CACHD1: variants seen among roughly 807,000 people sequenced by gnomAD.
The protein encoded by CACHD1 is VWFA and cache domain-containing protein 1.
Under a neutral mutation model 138.7 loss-of-function variants are expected in CACHD1, and 71 were observed. The observed-to-expected ratio is 0.51, with a 90% CI of 0.42 to 0.62. The LOEUF (loss-of-function observed/expected upper bound fraction) is 0.62. CACHD1 is among the 20% of genes least tolerant of loss of function. The pLI is 0.00. For missense variants in CACHD1, 1,389 were observed against 1,625.3 expected (o/e 0.85, Z 2.50); for synonymous variants, 578 against 591.5 (o/e 0.98, Z 0.33).
intron 3 of CACHD1, among the ~76,000 whole-genome samples, chr1:64,593,114 C>T (rs573341080): frequency 1.1e-4 from 16 of 152,230 alleles, no homozygotes; most frequent in African/African-American, 3.6e-4. Context: ...TGGAGTTGCA[C>T]GTAGATCATT....
intron 26 of CACHD1, among the ~76,000 whole-genome samples, chr1:64,683,837 G>C (rs1030931341): frequency 6.6e-6 from 1 of 152,128 alleles, no homozygotes; most frequent in Non-Finnish European, 1.5e-5. Context: ...CCAGTACGTG[G>C]GTCACTAAAA....
At chr1:64,603,758 A>C (rs1184621548) in intron 4 of CACHD1, among the ~76,000 whole-genome samples, 1 of 152,190 alleles carries the variant, frequency 6.6e-6, no homozygotes, top group Non-Finnish European at 1.5e-5. Flanking sequence ...ACTACTGGTT[A>C]GCTCCAAAGT....
At chr1:64,514,518 G>A (rs1398469012) in intron 1 of CACHD1, among the ~76,000 whole-genome samples, 1 of 152,144 alleles carries the variant, frequency 6.6e-6, no homozygotes, top group African/African-American at 2.4e-5. Context: ...TCACTTCTAG[G>A]TTTTGAAAAA....
intron 23 of CACHD1, among the ~76,000 whole-genome samples, 196 bp downstream of exon 23, chr1:64,678,506 G>A (rs1053455521): frequency 2.0e-5 from 3 of 152,114 alleles, no homozygotes; most frequent in Non-Finnish European, 4.4e-5. Context: ...GTGGCCATCT[G>A]TGCTGCCAAA....
intron 1 of CACHD1, among the ~76,000 whole-genome samples, chr1:64,530,760 A>G (rs7525351): frequency 0.032 from 4,925 of 151,872 alleles, 117 homozygotes; most frequent in African/African-American, 0.063. Context: ...AATCCCAGCT[A>G]CTTGGGAGGC....
At chr1:64,632,299 G>A (rs1199267358) in intron 5 of CACHD1, among the ~76,000 whole-genome samples, 5 of 147,824 alleles carry the variant, frequency 3.4e-5, no homozygotes, top group Non-Finnish European at 5.9e-5. Flanking sequence ...CAGGATGTTA[G>A]TGATGCTGAA....
chr1:64,647,929 T>C lies in CACHD1; in HGVS notation c.1285T>C (p.Leu429=), dbSNP rs1648965546. The change falls in exon 9 of 27, where the codon TTG becomes CTG. Residue 429 remains leucine, a synonymous_variant. Transcript: ENST00000651257. ...IKGSMMVLNQ[L]SNLETTVGRF... ...GGGCAGCATGATGGTGCTGAATCAG[T>C]TGAGCAACCTGGAGACCACAGTGGG... 8 of 1,614,100 alleles carry C rather than the reference T, an allele frequency of 5.0e-6. No homozygotes were observed. Among genetic ancestry groups the C allele is most frequent in the Non-Finnish European group, 6.8e-6 (8 of 1,180,006 alleles).
chr1:64,495,905 GAA>G (rs1210929743), intron 1 of CACHD1, among the ~76,000 whole-genome samples: 1 of 151,846 alleles, frequency 6.6e-6, no homozygotes. Flanking sequence ...TCCATTAAAA[GAA>G]AAAAGAACAT....
chr1:64,577,184 G>A (rs1646975480), intron 2 of CACHD1, among the ~76,000 whole-genome samples: 1 of 152,088 alleles, frequency 6.6e-6, no homozygotes, highest in South Asian at 2.1e-4. Context: ...GGGCTCAAGT[G>A]ATCCACCTGC....
chr1:64,597,524 GTTT>G (rs34162933), intron 3 of CACHD1, among the ~76,000 whole-genome samples: 90 of 80,402 alleles, frequency 1.1e-3, no homozygotes, highest in Middle Eastern at 0.01. Context: ...TTTTTTTGTT[GTTT>G]TTTTTTTTTT....
intron 4 of CACHD1, among the ~76,000 whole-genome samples, chr1:64,609,126 A>G (rs897859260): frequency 9.2e-5 from 14 of 152,188 alleles, no homozygotes; most frequent in Non-Finnish European, 1.6e-4. Flanking sequence ...TTGTGGCTTC[A>G]TCATTTCCTT....
At chr1:64,589,231 A>G (rs914969314) in intron 3 of CACHD1, among the ~76,000 whole-genome samples, 1 of 152,154 alleles carries the variant, frequency 6.6e-6, no homozygotes, top group Non-Finnish European at 1.5e-5. Context: ...TGGAAGGCAG[A>G]TAGGACTCAT....
At chr1:64,645,011 C>T (rs1184353564) in intron 8 of CACHD1, among the ~76,000 whole-genome samples, 1 of 152,164 alleles carries the variant, frequency 6.6e-6, no homozygotes, top group Non-Finnish European at 1.5e-5. Context: ...GCACAAGAAT[C>T]GCTTGATCCT....
At chr1:64,673,297 C>T (rs755930076) in intron 18 of CACHD1, 40 bp downstream of exon 18, 1 of 1,611,702 alleles carries the variant, frequency 6.2e-7, no homozygotes, top group Non-Finnish European at 8.5e-7. Context: ...TCTCCAACCT[C>T]CTGCAGCTCA....
chr1:64,512,847 C>T (rs1646432807), intron 1 of CACHD1, among the ~76,000 whole-genome samples: 1 of 152,082 alleles, frequency 6.6e-6, no homozygotes, highest in African/African-American at 2.4e-5. Context: ...TTTTTTCTGC[C>T]ACCATTTAAG....
intron 2 of CACHD1, among the ~76,000 whole-genome samples, chr1:64,559,991 G>A (rs1646826797): frequency 6.6e-6 from 1 of 152,088 alleles, no homozygotes; most frequent in South Asian, 2.1e-4. Context: ...TTGGCATAAA[G>A]GTGTTTGTAA....
intron 15 of CACHD1, 82 bp downstream of exon 15, chr1:64,664,761 T>G: frequency 8.0e-7 from 1 of 1,254,768 alleles, no homozygotes; most frequent in Non-Finnish European, 1.1e-6. Flanking sequence ...TAAAGCAACT[T>G]CAGGGCATTA....
intron 1 of CACHD1, among the ~76,000 whole-genome samples, chr1:64,543,662 C>T (rs1014298092): frequency 2.7e-4 from 41 of 151,442 alleles, no homozygotes; most frequent in African/African-American, 8.7e-4. Context: ...CAGAGAATGC[C>T]GTTTTTATTG....
Position 64,634,277 on chromosome 1 carries a change from A to C in CACHD1, c.1006+17A>C. 6.3e-7 allele frequency: 1 copy of C among 1,585,990 alleles called. No individual in the cohort carries two copies. Among genetic ancestry groups the C allele is most frequent in the Non-Finnish European group, 8.7e-7 (1 of 1,154,560 alleles). ...TCCAAGCAAGTGAGTGCGTTCTCTC[A>C]GAGGACTTAGAGGCATAGTAGATAA... On this transcript the variant is annotated intron_variant, in intron 7 of 26. Coordinates refer to ENST00000651257, the MANE Select transcript of CACHD1 (RefSeq NM_020925.4).
Sources: gnomAD v4.1 joint callset for allele counts (sites outside exome capture counted in the v4.1 genomes callset) on GRCh38, gnomAD v4.1.1 for gene constraint, MANE v1.5 for transcripts, NCBI Gene and HGNC (gene_info 2026-07-23, HGNC 2026-07-21) for gene names.